The following RTL4 variants were observed in gnomAD, a reference collection of about 807,000 sequenced individuals.
RTL4 encodes retrotransposon Gag-like protein 4.
Under a neutral mutation model 5.3 loss-of-function variants are expected in RTL4, and 4 were observed. That is an observed-to-expected ratio of 0.75 (90% CI 0.37 to 1.72). The LOEUF (loss-of-function observed/expected upper bound fraction) is 1.72, where lower values mean the gene tolerates loss of function less well. Among genes scored for constraint, RTL4 ranks in the 40% most tolerant of loss-of-function variants. The pLI is 0.04. For missense variants in RTL4, 260 were observed against 227.1 expected (o/e 1.14, Z -0.93); for synonymous variants, 98 against 87.3 (o/e 1.12, Z -0.68).
the RTL4 span, among the ~76,000 whole-genome samples, chrX:112,115,781 C>A: frequency 8.9e-6 from 1 of 111,963 alleles, no homozygotes; most frequent in Non-Finnish European, 1.9e-5. Context: ...CAGAAACAGG[C>A]AGTGGTTTTT....
chrX:112,243,804 G>C, the RTL4 span, among the ~76,000 whole-genome samples: 1 of 111,529 alleles, frequency 9.0e-6, no homozygotes, highest in African/African-American at 3.3e-5. Flanking sequence ...GTCCATTTTA[G>C]ATCTTTCCTG....
the RTL4 span, among the ~76,000 whole-genome samples, chrX:112,291,564 A>G: frequency 9.1e-6 from 1 of 110,462 alleles, no homozygotes; most frequent in Admixed American, 9.7e-5. Context: ...AAGAAACACC[A>G]TCTACCCCTA....
At chrX:112,206,061 C>T in the RTL4 span, among the ~76,000 whole-genome samples, 1 of 111,838 alleles carries the variant, frequency 8.9e-6, no homozygotes, top group Non-Finnish European at 1.9e-5. Context: ...GTGCTCTTCT[C>T]TTAAGCTGGT....
the RTL4 span, among the ~76,000 whole-genome samples, chrX:112,214,778 T>G: frequency 1.5e-4 from 17 of 111,614 alleles, no homozygotes; most frequent in African/African-American, 4.9e-4. Context: ...TTAGTGTTTT[T>G]TTTGTTTGTT....
chrX:112,318,098 C>T, the RTL4 span, among the ~76,000 whole-genome samples: 17 of 112,001 alleles, frequency 1.5e-4, no homozygotes, highest in African/African-American at 5.2e-4. Context: ...ACAAACCACT[C>T]TAATTTATAA....
At chrX:112,123,851 C>T in the RTL4 span, among the ~76,000 whole-genome samples, 1 of 111,665 alleles carries the variant, frequency 9.0e-6, no homozygotes, top group African/African-American at 3.3e-5. Flanking sequence ...TCTAATTAAA[C>T]TAAACAGCTT....
the RTL4 span, among the ~76,000 whole-genome samples, chrX:112,231,147 A>C: frequency 9.0e-6 from 1 of 111,386 alleles, no homozygotes; most frequent in African/African-American, 3.3e-5. Flanking sequence ...TAGTTCAACC[A>C]TTGTGGAAGT....
the RTL4 span, among the ~76,000 whole-genome samples, chrX:112,438,715 C>G: frequency 8.9e-5 from 10 of 112,206 alleles, no homozygotes; most frequent in African/African-American, 3.2e-4. Flanking sequence ...GATTCTGGAT[C>G]CTAGAGATTT....
chrX:112,246,345 A>C, the RTL4 span, among the ~76,000 whole-genome samples: 249 of 111,761 alleles, frequency 2.2e-3, 1 homozygote, highest in African/African-American at 7.6e-3. Flanking sequence ...AGAGGCAGGC[A>C]GGCCTCATTG....
At chrX:112,238,538 A>G in the RTL4 span, among the ~76,000 whole-genome samples, 2 of 111,593 alleles carry the variant, frequency 1.8e-5, no homozygotes, top group African/African-American at 6.5e-5. Context: ...CTTTTTCTAG[A>G]TAAGATGGAG....
chrX:112,427,202 G>T, the RTL4 span, among the ~76,000 whole-genome samples: 4 of 110,697 alleles, frequency 3.6e-5, no homozygotes, highest in African/African-American at 9.8e-5. Flanking sequence ...AAAATATTAG[G>T]GAACAAAATC....
chrX:112,144,802 C>G, the RTL4 span, among the ~76,000 whole-genome samples: 21 of 111,573 alleles, frequency 1.9e-4, no homozygotes, highest in African/African-American at 6.5e-4. Context: ...AGCTGAATAA[C>G]AAATGGAAAA....
At chrX:112,218,073 G>A in the RTL4 span, among the ~76,000 whole-genome samples, 1 of 111,660 alleles carries the variant, frequency 9.0e-6, no homozygotes, top group Non-Finnish European at 1.9e-5. Flanking sequence ...ACCTGGAATG[G>A]GGCAAGGGAA....
the RTL4 span, among the ~76,000 whole-genome samples, chrX:112,195,031 G>A: frequency 1.1e-3 from 124 of 112,023 alleles, 1 homozygote; most frequent in Non-Finnish European, 1.5e-4. Context: ...TCTGTTTTTA[G>A]GAAAAGTGAA....
At chrX:112,108,658 C>A in the RTL4 span, among the ~76,000 whole-genome samples, 1 of 111,754 alleles carries the variant, frequency 8.9e-6, no homozygotes, top group Non-Finnish European at 1.9e-5. Context: ...CCTGAAGCCC[C>A]TGTCCACTGG....
At chrX:112,198,543 T>TGCAGTAAAA in the RTL4 span, among the ~76,000 whole-genome samples, 1 of 111,986 alleles carries the variant, frequency 8.9e-6, no homozygotes, top group African/African-American at 3.2e-5. Flanking sequence ...AGATGAGAGC[T>TGCAGTAAAA]GCAGTAAAAG....
At chrX:112,437,942 G>C in the RTL4 span, among the ~76,000 whole-genome samples, 22 of 110,073 alleles carry the variant, frequency 2.0e-4, no homozygotes, top group African/African-American at 6.9e-4. Context: ...GGTGGGCTTA[G>C]TGTCCATTTT....
the RTL4 span, among the ~76,000 whole-genome samples, chrX:112,295,567 T>C: frequency 6.2e-5 from 7 of 112,635 alleles, no homozygotes; most frequent in Admixed American, 5.6e-4. Flanking sequence ...TGAGATCTGC[T>C]GGTAGCCCAC....
the RTL4 span, among the ~76,000 whole-genome samples, chrX:112,241,441 C>T: frequency 2.7e-4 from 30 of 112,164 alleles, no homozygotes; most frequent in East Asian, 8.4e-3. Flanking sequence ...ATCTGATGAC[C>T]AGTGATGATG....
Sources: allele counts gnomAD v4.1 joint callset (sites outside exome capture counted in the v4.1 genomes callset), GRCh38; gene constraint gnomAD v4.1.1; transcripts MANE v1.5; gene names NCBI Gene and HGNC (gene_info 2026-07-23, HGNC 2026-07-21).